ERG: variants seen among roughly 807,000 people sequenced by gnomAD.
ERG encodes ETS transcription factor ERG.
Under a neutral mutation model 55.3 loss-of-function variants are expected in ERG, and 9 were observed. The ratio of observed to expected loss-of-function variants is 0.16; its 90% confidence interval spans 0.10 to 0.28. The LOEUF (loss-of-function observed/expected upper bound fraction) is 0.28, where lower values mean the gene tolerates loss of function less well. Among genes scored for constraint, ERG ranks in the 10% least tolerant of loss-of-function variants. The pLI, the probability that ERG is intolerant of heterozygous loss-of-function variation, is 1.00. For missense variants in ERG, 434 were observed against 631.6 expected (o/e 0.69, Z 3.35); for synonymous variants, 223 against 237.3 (o/e 0.94, Z 0.55).
intron 1 of ERG, among the ~76,000 whole-genome samples, chr21:38,486,169 G>A (rs887508615): frequency 4.6e-5 from 7 of 151,744 alleles, no homozygotes; most frequent in Admixed American, 6.6e-5. Flanking sequence ...TCCTGACCTC[G>A]TGATCTGCCC....
intron 2 of ERG, among the ~76,000 whole-genome samples, chr21:38,434,956 G>A (rs1247419990): frequency 6.6e-6 from 1 of 152,196 alleles, no homozygotes; most frequent in Non-Finnish European, 1.5e-5. Flanking sequence ...TGTTCAGCAT[G>A]CAACTGCTTT....
intron 1 of ERG, among the ~76,000 whole-genome samples, chr21:38,622,980 ATT>A (rs1250867352): frequency 3.9e-5 from 4 of 102,510 alleles, no homozygotes; most frequent in East Asian, 3.1e-4. Flanking sequence ...CGTCACACAC[ATT>A]TTACATACAC....
chr21:38,507,854 A>G (rs970105272), intron 2 of ERG, among the ~76,000 whole-genome samples: 4 of 151,940 alleles, frequency 2.6e-5, no homozygotes, highest in African/African-American at 9.7e-5. Flanking sequence ...CAGTGCCTTC[A>G]TTTGTTTTTA....
chr21:38,546,963 G>T (rs555753965), intron 2 of ERG, among the ~76,000 whole-genome samples: 1 of 152,316 alleles, frequency 6.6e-6, no homozygotes, highest in East Asian at 1.9e-4. Context: ...TCATGTTTGT[G>T]GGTGGGTGTA....
intron 1 of ERG, among the ~76,000 whole-genome samples, chr21:38,604,588 C>A (rs1417208358): frequency 1.3e-5 from 2 of 152,200 alleles, no homozygotes; most frequent in Non-Finnish European, 1.5e-5. Flanking sequence ...AATTACCTAC[C>A]AAAGCATAAA....
At chr21:38,592,698 G>T (rs1472078428) in intron 1 of ERG, among the ~76,000 whole-genome samples, 1 of 151,592 alleles carries the variant, frequency 6.6e-6, no homozygotes, top group African/African-American at 2.4e-5. Flanking sequence ...TTCCCTAAAG[G>T]GTCCCCTTTT....
At chr21:38,403,996 A>T (rs1049579291) in intron 3 of ERG, among the ~76,000 whole-genome samples, 2 of 152,164 alleles carry the variant, frequency 1.3e-5, no homozygotes, top group Admixed American at 1.3e-4. Flanking sequence ...AGATTTTAAA[A>T]ATTCTTTTTT....
At chr21:38,569,128 C>G (rs1267153217) in intron 2 of ERG, among the ~76,000 whole-genome samples, 3 of 152,218 alleles carry the variant, frequency 2.0e-5, no homozygotes, top group Non-Finnish European at 2.9e-5. Flanking sequence ...GACCCATGCC[C>G]TGAGTGGCAG....
chr21:38,635,627 T>C (rs958646445), intron 1 of ERG, among the ~76,000 whole-genome samples: 5 of 152,174 alleles, frequency 3.3e-5, no homozygotes, highest in Admixed American at 2.6e-4. Context: ...TACAAAAGGA[T>C]TCAATGTGAT....
intron 1 of ERG, among the ~76,000 whole-genome samples, chr21:38,626,768 A>T (rs2060327325): frequency 6.6e-6 from 1 of 152,174 alleles, no homozygotes. Context: ...TGTATTTATA[A>T]CCTTTATTGA....
chr21:38,425,810 T>A (rs1269956156), intron 2 of ERG, among the ~76,000 whole-genome samples: 1 of 152,132 alleles, frequency 6.6e-6, no homozygotes, highest in Non-Finnish European at 1.5e-5. Context: ...GAACTTCAAG[T>A]CTAAGGAGGT....
chr21:38,596,555 AC>A (rs1306969735), intron 1 of ERG, among the ~76,000 whole-genome samples: 4 of 152,204 alleles, frequency 2.6e-5, no homozygotes, highest in African/African-American at 9.6e-5. Flanking sequence ...TGTGAGCCAA[AC>A]CGTGTGACAC....
rs907110651 is a variant in ERG, at chr21:38,568,119, T to C, written c.-41+7543A>G. On this transcript the variant is annotated intron_variant, in intron 2 of 8. Coordinates refer to the ERG transcript ENST00000398897. ...GTAAGATTTCCCCTTCTTACTTTTCTCCTTCCACTGCTATATGTAACAGTA... is the reference window on the plus strand; with the variant it reads ...GTAAGATTTCCCCTTCTTACTTTTCCCCTTCCACTGCTATATGTAACAGTA... Among the ~76,000 whole-genome samples, 9 of 144,176 alleles carry C rather than the reference T, an allele frequency of 6.2e-5. No homozygotes were observed. The East Asian group carries it at 1.3e-3, about 21-fold the overall frequency. 94.6% of individuals were successfully genotyped at this position (144,176 alleles called of 152,430 possible).
chr21:38,655,816 G>A (rs1353853189), intron 1 of ERG, among the ~76,000 whole-genome samples: 1 of 152,154 alleles, frequency 6.6e-6, no homozygotes, highest in Non-Finnish European at 1.5e-5. Flanking sequence ...ATACAAACTT[G>A]GGCCCCACTT....
At chr21:38,585,478 C>A (rs9636940), upstream of ERG, among the ~76,000 whole-genome samples, 12 of 140,912 alleles carry the variant, frequency 8.5e-5, no homozygotes, top group Non-Finnish European at 1.5e-4. Context: ...AGAAAAAAAT[C>A]TTTCTTACAA....
intron 2 of ERG, among the ~76,000 whole-genome samples, chr21:38,508,781 A>T (rs546098330): frequency 6.6e-6 from 1 of 152,200 alleles, no homozygotes; most frequent in African/African-American, 2.4e-5. Context: ...CTTCCATCAG[A>T]AAGTGAGGTC....
Position 38,400,643 on chromosome 21 carries a change from C to T in ERG, c.676G>A (p.Gly226Ser), listed in dbSNP as rs1988444558. 1 of 1,600,326 alleles carries T rather than the reference C, an allele frequency of 6.2e-7. No individual in the cohort carries two copies. The highest frequency in any genetic ancestry group is 8.6e-7 in the Non-Finnish European group (1 of 1,169,398). Residue 226 changes from glycine to serine, a missense_variant and splice_region_variant, in exon 6 of 10, where the codon GGT (glycine) becomes AGT (serine). Coordinates refer to ENST00000288319, the MANE Select transcript of ERG (RefSeq NM_182918.4). ...GTATTTGGGAAAATAAAAGCTGCAC[C>T]CCCTGCAGACAAAAGGAAAGACAAA... ...PRLMHARNTG[G>S]AAFIFPNTSV... is the part of the protein sequence containing the mutation.
chr21:38,441,512 T>C (rs1260430930), intron 2 of ERG, among the ~76,000 whole-genome samples: 1 of 152,088 alleles, frequency 6.6e-6, no homozygotes, highest in Non-Finnish European at 1.5e-5. Flanking sequence ...CAAATAAATA[T>C]CTTAAAATGT....
At position 38,383,565 on chromosome 21, in the gene ERG, C is replaced by G. The variant is rs2146411365; in HGVS notation, c.1278G>C (p.Gln426His). 1 of 1,599,796 alleles carries G rather than the reference C, an allele frequency of 6.3e-7. No homozygotes were observed. The highest frequency in any genetic ancestry group is 8.5e-7 in the Non-Finnish European group (1 of 1,169,868). The change falls in exon 10 of 10, where the codon CAG becomes CAC. Residue 426 changes from glutamine to histidine, a missense_variant. By Grantham distance (24) the Gln-to-His change is conservative. Transcript: ENST00000288319. The surrounding 1 kb of genome is among the most constrained non-coding windows in gnomAD (Gnocchi z 5.7). ...GGTGGGGCGCCACAAAGTTCATCTTCTGTGGGTGGGCGTGATAGGAGCCCA... is the reference window on the plus strand; with the variant it reads ...GGTGGGGCGCCACAAAGTTCATCTTGTGTGGGTGGGCGTGATAGGAGCCCA... Reference protein sequence around the residue: ...PYMGSYHAHPQKMNFVAPHPP... With the variant: ...PYMGSYHAHPHKMNFVAPHPP...
Sources: allele counts gnomAD v4.1 joint callset (sites outside exome capture counted in the v4.1 genomes callset), GRCh38; gene constraint gnomAD v4.1.1; non-coding constraint Gnocchi (gnomAD v3.1); transcripts MANE v1.5; gene names NCBI Gene and HGNC (gene_info 2026-07-23, HGNC 2026-07-21).